FECH: variants seen among roughly 807,000 people sequenced by gnomAD.
FECH encodes the protein ferrochelatase.
In FECH, 40 loss-of-function variants were observed where a neutral mutation model predicts 56.9. That is an observed-to-expected ratio of 0.70 (90% confidence interval 0.55 to 0.92). FECH has a LOEUF of 0.92. Ranked by LOEUF, FECH falls within the 40% of genes least tolerant of loss-of-function variation. FECH has a pLI of 0.00. For synonymous variants in FECH, 175 were observed against 198.6 expected (o/e 0.88, Z 1.00); for missense variants, 431 against 529.1 (o/e 0.81, Z 1.82).
intron 2 of FECH, among the ~76,000 whole-genome samples, chr18:57,576,694 A>G (rs1294761450): frequency 1.3e-5 from 2 of 152,242 alleles, no homozygotes; most frequent in Non-Finnish European, 2.9e-5. Context: ...TTGCAAACGC[A>G]TGTTGATCTT....
intron 2 of FECH, among the ~76,000 whole-genome samples, chr18:57,575,425 A>C (rs2051171600): frequency 6.6e-6 from 1 of 152,142 alleles, no homozygotes; most frequent in Non-Finnish European, 1.5e-5. Context: ...AACTAAAGAT[A>C]CTATGATGAC....
chr18:57,564,842 A>G (rs573597522), intron 5 of FECH, among the ~76,000 whole-genome samples: 2 of 152,386 alleles, frequency 1.3e-5, no homozygotes, highest in East Asian at 3.9e-4. Context: ...ACATTCAACA[A>G]ACAACCCAAA....
Position 57,558,439 on chromosome 18 carries a change from C to T in FECH, c.804+706G>A, listed in dbSNP as rs1274300611. ...TGTGGTCCTGAGTCTTAGCAAACTG[C>T]AATGGCTGCCTAACAAGTCCTGAGG... On this transcript the variant is annotated intron_variant, in intron 7 of 10. Transcript: ENST00000262093. Among the ~76,000 whole-genome samples, 4 of 152,314 alleles carry T rather than the reference C, an allele frequency of 2.6e-5. No individual in the cohort carries two copies. The East Asian group carries it at 5.8e-4, about 22-fold the overall frequency.
chr18:57,571,612 T>C (rs748006454), intron 3 of FECH, 72 bp from the exon 4 acceptor site: 1 of 1,607,086 alleles, frequency 6.2e-7, no homozygotes. Context: ...TTCTACTCAA[T>C]AAAAAAGAAA....
At chr18:57,571,822 T>G (rs1440614027) in intron 3 of FECH, among the ~76,000 whole-genome samples, 5 of 152,220 alleles carry the variant, frequency 3.3e-5, no homozygotes, top group Admixed American at 6.5e-5. Flanking sequence ...CAGAGAAACC[T>G]GGATGTGCGC....
intron 4 of FECH, among the ~76,000 whole-genome samples, chr18:57,569,258 G>A (rs940443684): frequency 7.9e-5 from 12 of 152,130 alleles, no homozygotes; most frequent in African/African-American, 2.9e-4. Context: ...GCAATGCAAT[G>A]TAACTACATG....
rs1640914058 is a variant in FECH, at chr18:57,547,816, TG to T, written c.*2895del. ...CCCAGTTAATTTTTACTTTATTTTTTGTAGAGTCAGGGTCTCCCTATGTTGC... is the reference window on the plus strand; with the variant it reads ...CCCAGTTAATTTTTACTTTATTTTTTTAGAGTCAGGGTCTCCCTATGTTGC... On this transcript the variant is annotated 3_prime_UTR_variant, in exon 11 of 11. Coordinates refer to ENST00000262093, the MANE Select transcript of FECH (RefSeq NM_000140.5). Among the ~76,000 whole-genome samples the T allele has an allele frequency of 6.6e-6, 1 of 152,128 alleles. No individual in the cohort carries two copies. Among genetic ancestry groups the T allele is most frequent in the South Asian group, 2.1e-4 (1 of 4,828 alleles).
At chr18:57,552,796 C>A (rs1465826355) in intron 9 of FECH, among the ~76,000 whole-genome samples, 4 of 152,222 alleles carry the variant, frequency 2.6e-5, no homozygotes, top group Non-Finnish European at 1.5e-5. Flanking sequence ...ACTGAAGAGG[C>A]TGTATTCTCA....
Position 57,545,277 on chromosome 18 carries a change from A to G in FECH, c.*5435T>C, listed in dbSNP as rs907845053. ...TTCCAAAAATGTTTTTAATTCCAAC[A>G]TCCATCTTAATGGCCTACTGTAGCC... On this transcript the variant is annotated 3_prime_UTR_variant, in exon 11 of 11. Coordinates refer to ENST00000262093, the MANE Select transcript of FECH (RefSeq NM_000140.5). Among the ~76,000 whole-genome samples, 4 of 152,166 alleles carry G rather than the reference A, an allele frequency of 2.6e-5. No homozygotes were observed. The highest frequency in any genetic ancestry group is 4.4e-5 in the Non-Finnish European group (3 of 68,028).
At chr18:57,572,681 T>C (rs1020500331) in intron 3 of FECH, among the ~76,000 whole-genome samples, 2 of 150,988 alleles carry the variant, frequency 1.3e-5, no homozygotes, top group African/African-American at 4.9e-5. Flanking sequence ...TATTTCTGGA[T>C]GTAACAGCGC....
chr18:57,575,368 C>T (rs971053703), intron 2 of FECH, among the ~76,000 whole-genome samples: 15 of 152,216 alleles, frequency 9.9e-5, no homozygotes, highest in African/African-American at 3.6e-4. Flanking sequence ...TAAACCAATG[C>T]TGCTGAGACA....
chr18:57,571,701 CTTG>C (rs777641830), intron 3 of FECH, 161 bp from the exon 4 acceptor site: 3 of 951,350 alleles, frequency 3.2e-6, no homozygotes, highest in Non-Finnish European at 4.7e-6. Context: ...AGCCAGCTCT[CTTG>C]TTGTAGAATA....
chr18:57,550,958 T>C (rs1236469948), intron 10 of FECH, 112 bp from the exon 11 acceptor site: 1 of 1,423,102 alleles, frequency 7.0e-7, no homozygotes, highest in Non-Finnish European at 9.7e-7. Context: ...TTTCTTTTCA[T>C]CCGAGTGGTG....
chr18:57,576,347 G>T (rs990190543), intron 2 of FECH, among the ~76,000 whole-genome samples: 2 of 152,202 alleles, frequency 1.3e-5, no homozygotes, highest in Non-Finnish European at 2.9e-5. Flanking sequence ...ATTAACGGGT[G>T]TGTTGAGTTT....
At chr18:57,574,392 T>A (rs764467192) in intron 2 of FECH, among the ~76,000 whole-genome samples, 20 of 152,322 alleles carry the variant, frequency 1.3e-4, no homozygotes, top group Middle Eastern at 3.4e-3. Context: ...CCATCCTGCA[T>A]GTAAATTCAC....
chr18:57,554,448 G>T, intron 8 of FECH, 24 bp from the exon 9 acceptor site: 1 of 1,613,872 alleles, frequency 6.2e-7, no homozygotes, highest in Non-Finnish European at 8.5e-7. Flanking sequence ...AGACGAATGC[G>T]TAAGTGGACT....
intron 8 of FECH, 54 bp downstream of exon 8, chr18:57,554,791 A>G: frequency 2.8e-6 from 4 of 1,429,456 alleles, no homozygotes; most frequent in Non-Finnish European, 4.0e-6. Context: ...TATAACTCAT[A>G]AAATAAATTT....
chr18:57,554,013 A>G (rs752393698), intron 9 of FECH, among the ~76,000 whole-genome samples: 4 of 152,220 alleles, frequency 2.6e-5, no homozygotes, highest in Non-Finnish European at 5.9e-5. Flanking sequence ...AAACAAAATG[A>G]TGTCAGCCAC....
chr18:57,569,634 C>T (rs77191962), intron 4 of FECH, among the ~76,000 whole-genome samples: 1,846 of 152,218 alleles, frequency 0.012, 42 homozygotes, highest in African/African-American at 0.042. Flanking sequence ...GACAACTCTA[C>T]CAGGGCTTTA....
Sources: gnomAD v4.1 joint callset for allele counts (sites outside exome capture counted in the v4.1 genomes callset) on GRCh38, gnomAD v4.1.1 for gene constraint, MANE v1.5 for transcripts, NCBI Gene and HGNC (gene_info 2026-07-23, HGNC 2026-07-21) for gene names.